Variants in THSD7B observed in about 807,000 individuals in gnomAD.
THSD7B encodes thrombospondin type-1 domain-containing protein 7B.
Under a neutral mutation model 213.6 loss-of-function variants are expected in THSD7B, and 138 were observed. That is an observed-to-expected ratio of 0.65 (90% CI 0.56 to 0.74). THSD7B has a LOEUF of 0.74. Among genes scored for constraint, THSD7B ranks in the 30% least tolerant of loss-of-function variants. The pLI, the probability that THSD7B is intolerant of heterozygous loss-of-function variation, is 0.00. For synonymous variants in THSD7B, 742 were observed against 687.0 expected, an observed-to-expected ratio of 1.08 and a Z score of -1.25; for missense variants, 1,931 against 1,991.5, an observed-to-expected ratio of 0.97 and a Z score of 0.58.
At chr2:137,457,734 C>T (rs936970269) in intron 15 of THSD7B, among the ~76,000 whole-genome samples, 1 of 152,166 alleles carries the variant, frequency 6.6e-6, no homozygotes, top group African/African-American at 2.4e-5. Flanking sequence ...AAAGCTCTCC[C>T]CTCCTTTCAG....
At chr2:137,376,899 A>G (rs1558775603) in intron 12 of THSD7B, among the ~76,000 whole-genome samples, 1 of 152,220 alleles carries the variant, frequency 6.6e-6, no homozygotes, top group Non-Finnish European at 1.5e-5. Context: ...TGGAAATATC[A>G]GAAAGCATCT....
chr2:137,233,017 G>T lies in THSD7B; in HGVS notation c.2034G>T (p.Leu678Phe). 1 of 1,613,920 alleles carries T rather than the reference G, an allele frequency of 6.2e-7. No homozygotes were observed. The highest frequency in any genetic ancestry group is 8.5e-7 in the Non-Finnish European group (1 of 1,179,854). The part of the protein sequence containing the change: ...SPWGPCSEDT[L>F]VTALNATIGW... ...GGGGCCCTTGTTCTGAGGACACATT[G>T]GTAACTGCCCTTAATGCAACCATTG... The change falls in exon 9 of 28, where the codon TTG (leucine) becomes TTT (phenylalanine). Residue 678 changes from leucine (L) to phenylalanine (F), a missense_variant. Physicochemically the swap from Leu to Phe is conservative, Grantham distance 22. Coordinates refer to ENST00000409968, the MANE Select transcript of THSD7B (RefSeq NM_001316349.2).
intron 2 of THSD7B, among the ~76,000 whole-genome samples, chr2:136,988,509 T>C (rs920805062): frequency 1.3e-5 from 2 of 152,192 alleles, no homozygotes; most frequent in African/African-American, 2.4e-5. Context: ...TGATCTTACT[T>C]GGGAAGACTG....
intron 25 of THSD7B, among the ~76,000 whole-genome samples, chr2:137,662,035 T>C (rs570365366): frequency 1.3e-5 from 2 of 151,668 alleles, no homozygotes; most frequent in Non-Finnish European, 2.9e-5. Flanking sequence ...AAGCTACTGA[T>C]CACCAGCTTC....
chr2:136,970,491 A>G (rs1685388137), intron 2 of THSD7B, among the ~76,000 whole-genome samples: 1 of 152,104 alleles, frequency 6.6e-6, no homozygotes, highest in South Asian at 2.1e-4. Flanking sequence ...ATAAATAAAT[A>G]AATGAAAAAG....
At chr2:136,890,407 C>CTCTTCT in intron 2 of THSD7B, among the ~76,000 whole-genome samples, 5 of 386 alleles carry the variant, frequency 0.013, 2 homozygotes, top group African/African-American at 6.9e-3. Flanking sequence ...CTTCCTCTTC[C>CTCTTCT]TCTTCTTCTT....
intron 15 of THSD7B, among the ~76,000 whole-genome samples, chr2:137,530,841 A>G (rs182759439): frequency 6.6e-6 from 1 of 152,048 alleles, no homozygotes; most frequent in Non-Finnish European, 1.5e-5. Context: ...GCTTGACTTC[A>G]CAAGGATTAT....
At chr2:137,567,554 T>C (rs1273613379) in intron 16 of THSD7B, among the ~76,000 whole-genome samples, 1 of 152,062 alleles carries the variant, frequency 6.6e-6, no homozygotes, top group African/African-American at 2.4e-5. Context: ...AAGTTAATGG[T>C]TGGAATCGAT....
chr2:137,613,682 A>G (rs898675566), intron 17 of THSD7B, among the ~76,000 whole-genome samples: 2 of 152,170 alleles, frequency 1.3e-5, no homozygotes, highest in Admixed American at 1.3e-4. Context: ...ATATGCAGGA[A>G]ATTGACAATA....
intron 2 of THSD7B, among the ~76,000 whole-genome samples, chr2:137,026,508 G>C (rs1170318370): frequency 6.6e-6 from 1 of 152,068 alleles, no homozygotes; most frequent in Non-Finnish European, 1.5e-5. Context: ...ATAGTACTAG[G>C]CTCATGGCTT....
At chr2:136,832,220 T>C (rs917318533) in intron 1 of THSD7B, among the ~76,000 whole-genome samples, 6 of 150,698 alleles carry the variant, frequency 4.0e-5, no homozygotes, top group Non-Finnish European at 8.9e-5. Context: ...CACACATATA[T>C]ACAATTGTGT....
chr2:137,155,402 C>T (rs980039271), intron 5 of THSD7B, among the ~76,000 whole-genome samples: 10 of 152,070 alleles, frequency 6.6e-5, no homozygotes, highest in Admixed American at 5.2e-4. Context: ...TAAGAGAAGA[C>T]AGAGCTAATT....
chr2:137,210,071 C>G (rs547980408), intron 7 of THSD7B, among the ~76,000 whole-genome samples: 1 of 152,006 alleles, frequency 6.6e-6, no homozygotes, highest in Non-Finnish European at 1.5e-5. Flanking sequence ...AGAGACCAAC[C>G]CTGTGAAGAC....
intron 10 of THSD7B, among the ~76,000 whole-genome samples, chr2:137,252,049 T>C (rs992831020): frequency 2.6e-5 from 4 of 151,952 alleles, no homozygotes; most frequent in African/African-American, 9.7e-5. Context: ...GGGTGGATCA[T>C]GAGGTCAGGA....
At chr2:136,836,470 C>T (rs1006861808) in intron 1 of THSD7B, among the ~76,000 whole-genome samples, 1 of 152,158 alleles carries the variant, frequency 6.6e-6, no homozygotes, top group Non-Finnish European at 1.5e-5. Flanking sequence ...TGTGTACATT[C>T]ACTTTTTGTA....
intron 5 of THSD7B, among the ~76,000 whole-genome samples, chr2:137,146,147 A>G (rs754740396): frequency 6.6e-5 from 10 of 152,140 alleles, no homozygotes; most frequent in Non-Finnish European, 1.2e-4. Flanking sequence ...TTAAGTTTCC[A>G]TGTTCTCCTC....
At chr2:137,047,769 A>G (rs1251583021) in intron 2 of THSD7B, among the ~76,000 whole-genome samples, 1 of 152,214 alleles carries the variant, frequency 6.6e-6, no homozygotes, top group Admixed American at 6.5e-5. Flanking sequence ...CTAAGTAAAC[A>G]CATAATTAGA....
chr2:137,265,786 A>G (rs1413924016), intron 10 of THSD7B, among the ~76,000 whole-genome samples: 1 of 152,228 alleles, frequency 6.6e-6, no homozygotes, highest in Non-Finnish European at 1.5e-5. Flanking sequence ...GAATGATCAT[A>G]TAATGTGTCG....
chr2:137,540,224 G>A lies in THSD7B; in HGVS notation c.3139-22997G>A, dbSNP rs141061416. Among the ~76,000 whole-genome samples, 441 of 151,724 alleles carry A rather than the reference G, an allele frequency of 2.9e-3. 2 individuals are homozygous for A. The highest frequency in any genetic ancestry group is 7.3e-3 in the Admixed American group (111 of 15,208). On this transcript the variant is annotated intron_variant, in intron 15 of 27. Coordinates refer to ENST00000409968, the MANE Select transcript of THSD7B (RefSeq NM_001316349.2). ...AACTTGATTTAGAGAAGTAGGCAAT[G>A]TCAGCAAAAATAGTGGAGAAAAGAT...
Sources: allele counts gnomAD v4.1 joint callset (sites outside exome capture counted in the v4.1 genomes callset), GRCh38; gene constraint gnomAD v4.1.1; transcripts MANE v1.5; gene names NCBI Gene and HGNC (gene_info 2026-07-23, HGNC 2026-07-21).